SHISA6: variants seen among roughly 807,000 people sequenced by gnomAD.
SHISA6 encodes the protein shisa family member 6.
In SHISA6, 22 loss-of-function variants were observed where a neutral mutation model predicts 47.9. The ratio of observed to expected loss-of-function variants is 0.46; its 90% CI spans 0.33 to 0.66. The LOEUF (loss-of-function observed/expected upper bound fraction) is 0.66, where lower values mean the gene tolerates loss of function less well. SHISA6 is among the 30% of genes least tolerant of loss of function. The pLI is 0.02. For synonymous variants in SHISA6, 388 were observed against 337.8 expected, an observed-to-expected ratio of 1.15 and a Z score of -1.63; for missense variants, 680 against 764.6, an observed-to-expected ratio of 0.89 and a Z score of 1.30.
At chr17:11,309,651 G>A (rs1017198458) in intron 2 of SHISA6, among the ~76,000 whole-genome samples, 1 of 152,220 alleles carries the variant, frequency 6.6e-6, no homozygotes, top group Non-Finnish European at 1.5e-5. Flanking sequence ...AATTTACAGA[G>A]TGGTTTGTCA....
intron 3 of SHISA6, among the ~76,000 whole-genome samples, chr17:11,506,530 G>T (rs2071500211): frequency 6.6e-6 from 1 of 152,144 alleles, no homozygotes; most frequent in African/African-American, 2.4e-5. Context: ...TATGAGAACT[G>T]ACAGAGGATT....
At chr17:11,253,784 CT>C (rs536428506) in intron 1 of SHISA6, among the ~76,000 whole-genome samples, 12 of 152,306 alleles carry the variant, frequency 7.9e-5, no homozygotes, top group African/African-American at 2.6e-4. Flanking sequence ...TCTCTTTCGG[CT>C]TTGAGAATTC....
At chr17:11,500,642 A>G (rs1285504604) in intron 3 of SHISA6, among the ~76,000 whole-genome samples, 4 of 152,224 alleles carry the variant, frequency 2.6e-5, no homozygotes, top group African/African-American at 9.6e-5. Context: ...CCGCTAACAA[A>G]TACGGTAGCC....
chr17:11,545,962 G>GT (rs1405556562), intron 3 of SHISA6, among the ~76,000 whole-genome samples: 1 of 152,182 alleles, frequency 6.6e-6, no homozygotes, highest in Non-Finnish European at 1.5e-5. Flanking sequence ...TACTCCTGCT[G>GT]TATTCTATTC....
At chr17:11,346,527 G>A (rs772525821) in intron 2 of SHISA6, among the ~76,000 whole-genome samples, 1 of 152,146 alleles carries the variant, frequency 6.6e-6, no homozygotes, top group Non-Finnish European at 1.5e-5. Context: ...ATTTGAATCT[G>A]TTTGAGAAAA....
chr17:11,254,822 A>G (rs1443071396), intron 1 of SHISA6, among the ~76,000 whole-genome samples: 1 of 152,152 alleles, frequency 6.6e-6, no homozygotes, highest in East Asian at 1.9e-4. Context: ...CTCCCTAATA[A>G]ATAGGCACTC....
intron 2 of SHISA6, among the ~76,000 whole-genome samples, chr17:11,360,665 C>A (rs922977072): frequency 6.6e-6 from 1 of 151,656 alleles, no homozygotes; most frequent in Non-Finnish European, 1.5e-5. Context: ...AGCATTAGGA[C>A]AAATACCTTA....
chr17:11,511,034 G>A (rs868561555), intron 3 of SHISA6, among the ~76,000 whole-genome samples: 1 of 152,146 alleles, frequency 6.6e-6, no homozygotes, highest in African/African-American at 2.4e-5. Flanking sequence ...ATAAATTTGT[G>A]ACTATGAAAT....
chr17:11,343,005 C>A (rs1461018845), intron 2 of SHISA6, among the ~76,000 whole-genome samples: 1 of 152,092 alleles, frequency 6.6e-6, no homozygotes, highest in African/African-American at 2.4e-5. Flanking sequence ...CCAGTGCATG[C>A]GGCAGAAAGT....
intron 3 of SHISA6, among the ~76,000 whole-genome samples, chr17:11,513,857 A>G (rs2142357002): frequency 1.3e-5 from 2 of 152,318 alleles, no homozygotes; most frequent in Middle Eastern, 6.8e-3. Context: ...GAGCCAACTT[A>G]TTTATTTGAG....
chr17:11,403,754 G>A lies in SHISA6; in HGVS notation c.895+24245G>A, dbSNP rs1005513054. On this transcript the variant is annotated intron_variant, in intron 3 of 5. Coordinates refer to ENST00000441885, the MANE Select transcript of SHISA6 (RefSeq NM_207386.4). The stretch of plus-strand genomic sequence containing the variant: ...ACCCCTGTAGTACCTAATTACATAG[G>A]ATACTTTTAAAAAAGCAACAATGAA... 2.6e-5 allele frequency among the ~76,000 whole-genome samples: 4 copies of A among 152,190 alleles called. No individual in the cohort carries two copies. In the East Asian group the frequency reaches 7.7e-4, roughly 29 times the overall value.
At chr17:11,308,892 A>T (rs1318408319) in intron 2 of SHISA6, among the ~76,000 whole-genome samples, 1 of 152,212 alleles carries the variant, frequency 6.6e-6, no homozygotes, top group Non-Finnish European at 1.5e-5. Flanking sequence ...GTAGGCTCTC[A>T]GTTTCATACT....
At chr17:11,497,608 C>T (rs2071419424) in intron 3 of SHISA6, among the ~76,000 whole-genome samples, 1 of 152,208 alleles carries the variant, frequency 6.6e-6, no homozygotes, top group African/African-American at 2.4e-5. Flanking sequence ...AACATTTGTT[C>T]AAAATCTTTT....
intron 3 of SHISA6, among the ~76,000 whole-genome samples, chr17:11,481,497 G>T (rs12944436): frequency 3.9e-4 from 30 of 77,446 alleles, no homozygotes; most frequent in Non-Finnish European, 4.7e-4. Flanking sequence ...ACTGAAGTTT[G>T]TTTTTTTTTT....
intron 3 of SHISA6, among the ~76,000 whole-genome samples, chr17:11,523,341 A>C (rs1253487418): frequency 6.6e-6 from 1 of 152,238 alleles, no homozygotes; most frequent in Non-Finnish European, 1.5e-5. Flanking sequence ...GGAGGATTAG[A>C]GTCTGCAAAA....
At chr17:11,499,698 T>G (rs866745119) in intron 3 of SHISA6, among the ~76,000 whole-genome samples, 2,026 of 146,586 alleles carry the variant, frequency 0.014, 42 homozygotes, top group African/African-American at 0.048. Context: ...TTTTTTTTTT[T>G]TTGTTGTTGT....
chr17:11,448,017 G>A (rs1274487127), intron 3 of SHISA6, among the ~76,000 whole-genome samples: 1 of 152,190 alleles, frequency 6.6e-6, no homozygotes, highest in East Asian at 1.9e-4. Flanking sequence ...TGATGTGACA[G>A]TCGATCGTGA....
At chr17:11,250,405 T>G (rs1385097721) in intron 1 of SHISA6, among the ~76,000 whole-genome samples, 1 of 152,226 alleles carries the variant, frequency 6.6e-6, no homozygotes, top group Non-Finnish European at 1.5e-5. Context: ...GCACTGCTGA[T>G]CAATTCCTAA....
intron 2 of SHISA6, among the ~76,000 whole-genome samples, chr17:11,297,708 G>A (rs538846097): frequency 1.2e-4 from 19 of 152,286 alleles, no homozygotes; most frequent in African/African-American, 2.6e-4. Context: ...TTTTCTTACC[G>A]TAGAAGAAGG....
Sources: gnomAD v4.1 joint callset for allele counts (sites outside exome capture counted in the v4.1 genomes callset) on GRCh38, gnomAD v4.1.1 for gene constraint, MANE v1.5 for transcripts, NCBI Gene and HGNC (gene_info 2026-07-23, HGNC 2026-07-21) for gene names.